Variants in TTC28 observed in about 807,000 individuals in gnomAD.
The protein encoded by TTC28 is tetratricopeptide repeat domain 28, also known as tetratricopeptide repeat protein 28.
TTC28 carries 61 observed loss-of-function variants against 198.0 expected under a neutral mutation model. That is an observed-to-expected ratio of 0.31 (90% CI 0.25 to 0.38). TTC28 has a LOEUF of 0.38. TTC28 is among the 10% of genes least tolerant of loss of function. The probability of loss-of-function intolerance (pLI) is 1.00; values close to 1 mark genes in which losing one functional copy is unlikely to be tolerated. For missense variants in TTC28, 2,678 were observed against 3,164.0 expected, an observed-to-expected ratio of 0.85 and a Z score of 3.69; for synonymous variants, 1,171 against 1,297.8, an observed-to-expected ratio of 0.90 and a Z score of 2.10.
At chr22:28,280,097 T>C (rs1443431860) in intron 5 of TTC28, among the ~76,000 whole-genome samples, 1 of 152,080 alleles carries the variant, frequency 6.6e-6, no homozygotes, top group Non-Finnish European at 1.5e-5. Flanking sequence ...TTCTCTGGAG[T>C]AAATATCTAG....
At chr22:28,572,979 T>C (rs1045799157) in intron 2 of TTC28, among the ~76,000 whole-genome samples, 1 of 151,904 alleles carries the variant, frequency 6.6e-6, no homozygotes, top group Non-Finnish European at 1.5e-5. Context: ...GGAGACCCTA[T>C]GTCTACAAAA....
chr22:28,106,502 A>G (rs1021605784), intron 7 of TTC28, among the ~76,000 whole-genome samples: 8 of 152,226 alleles, frequency 5.3e-5, no homozygotes, highest in Admixed American at 5.2e-4. Context: ...TAATAGATAT[A>G]GAGTAATACA....
chr22:28,134,300 G>A (rs770703383), intron 6 of TTC28, among the ~76,000 whole-genome samples: 6 of 152,170 alleles, frequency 3.9e-5, no homozygotes, highest in South Asian at 4.1e-4. Flanking sequence ...AAATCAGAGC[G>A]CCACTCCCCC....
At chr22:28,249,509 C>T (rs1186986301) in intron 5 of TTC28, among the ~76,000 whole-genome samples, 1 of 151,988 alleles carries the variant, frequency 6.6e-6, no homozygotes, top group Non-Finnish European at 1.5e-5. Flanking sequence ...TCTCCTTTGC[C>T]AGAGATAATT....
intron 3 of TTC28, among the ~76,000 whole-genome samples, chr22:28,298,896 G>A (rs997195553): frequency 1.3e-5 from 2 of 152,064 alleles, no homozygotes; most frequent in African/African-American, 2.4e-5. Flanking sequence ...AGTAGCCCCC[G>A]ACTAGAAGAA....
chr22:28,493,589 A>C (rs1036100772), intron 2 of TTC28, among the ~76,000 whole-genome samples: 1 of 152,134 alleles, frequency 6.6e-6, no homozygotes, highest in African/African-American at 2.4e-5. Flanking sequence ...CATTTTGTAA[A>C]CCCAAATTAA....
At chr22:28,609,564 G>A (rs2040585981) in intron 2 of TTC28, among the ~76,000 whole-genome samples, 1 of 152,216 alleles carries the variant, frequency 6.6e-6, no homozygotes, top group Admixed American at 6.5e-5. Context: ...CTTTCCTCAT[G>A]GTCTTTGCAA....
At chr22:28,554,372 A>T (rs1456970703) in intron 2 of TTC28, among the ~76,000 whole-genome samples, 1 of 118,262 alleles carries the variant, frequency 8.5e-6, no homozygotes, top group Non-Finnish European at 1.8e-5. Flanking sequence ...ATGATCAATT[A>T]AAAAAAAAAA....
intron 16 of TTC28, among the ~76,000 whole-genome samples, chr22:27,996,910 G>T (rs912496034): frequency 6.6e-6 from 1 of 152,236 alleles, no homozygotes; most frequent in Non-Finnish European, 1.5e-5. Flanking sequence ...GTTTCATCCA[G>T]AACAAAGTTG....
At chr22:28,268,270 A>AGAATATTG (rs1385689253) in intron 5 of TTC28, among the ~76,000 whole-genome samples, 1 of 152,230 alleles carries the variant, frequency 6.6e-6, no homozygotes, top group Admixed American at 6.5e-5. Context: ...TCTAGAAAGA[A>AGAATATTG]GAATATTGCA....
chr22:28,501,564 A>T (rs2048538603), intron 2 of TTC28, among the ~76,000 whole-genome samples: 1 of 152,194 alleles, frequency 6.6e-6, no homozygotes, highest in African/African-American at 2.4e-5. Flanking sequence ...TGTTCCCAAC[A>T]CATAGAACTG....
At chr22:28,320,163 T>C (rs1404569550) in intron 2 of TTC28, among the ~76,000 whole-genome samples, 1 of 152,114 alleles carries the variant, frequency 6.6e-6, no homozygotes, top group Non-Finnish European at 1.5e-5. Flanking sequence ...AAAGCACACA[T>C]TTGCTGTGTT....
At chr22:28,316,211 C>G (rs568951793) in intron 2 of TTC28, among the ~76,000 whole-genome samples, 1 of 152,082 alleles carries the variant, frequency 6.6e-6, no homozygotes, top group Admixed American at 6.6e-5. Flanking sequence ...TAGGCAAGCC[C>G]GACTGTGCAA....
intron 14 of TTC28, among the ~76,000 whole-genome samples, chr22:28,010,805 A>G (rs1027815887): frequency 6.6e-6 from 1 of 152,188 alleles, no homozygotes; most frequent in Non-Finnish European, 1.5e-5. Context: ...GGCCATGAAA[A>G]GCCTATTGGC....
In TTC28 at chr22:27,981,229, A is replaced by ATTTTTTT. The variant is rs1937001603; in HGVS notation, c.*991_*992insAAAAAAA. On this transcript the variant is annotated 3_prime_UTR_variant, in exon 23 of 23. Coordinates refer to ENST00000397906, the MANE Select transcript of TTC28 (RefSeq NM_001145418.2). ...CTGGTTAAATCTAGTTAGCCATGGA[A>ATTTTTTT]ATTTTTTTTTTTTTTTTTTTTTTTT... 33 of 72,732 alleles carry ATTTTTTT rather than the reference A, an allele frequency of 4.5e-4. 3 individuals carry two copies. The highest frequency in any genetic ancestry group is 1.1e-3 in the East Asian group (3 of 2,736). The allele number at this position is 72,732 out of a possible 1,614,324, so 4.5% of individuals were successfully genotyped here.
chr22:28,556,660 C>G (rs1384926566), intron 2 of TTC28, among the ~76,000 whole-genome samples: 1 of 152,198 alleles, frequency 6.6e-6, no homozygotes, highest in Non-Finnish European at 1.5e-5. Flanking sequence ...ACCTATTATT[C>G]CACAGTTTCT....
At chr22:28,155,433 C>T (rs528258411) in intron 6 of TTC28, among the ~76,000 whole-genome samples, 1 of 152,242 alleles carries the variant, frequency 6.6e-6, no homozygotes, top group East Asian at 1.9e-4. Context: ...AACTTCAATT[C>T]AGCAGAGGTA....
At chr22:28,098,357 C>G (rs1284192813) in intron 10 of TTC28, among the ~76,000 whole-genome samples, 2 of 152,136 alleles carry the variant, frequency 1.3e-5, no homozygotes, top group Admixed American at 6.5e-5. Flanking sequence ...GGGAGGGAAC[C>G]TGGTTCAAGC....
intron 12 of TTC28, among the ~76,000 whole-genome samples, chr22:28,089,202 GAC>G (rs2146840609): frequency 6.6e-6 from 1 of 152,234 alleles, no homozygotes; most frequent in African/African-American, 2.4e-5. Context: ...CTGCTATAAA[GAC>G]ACATGCACAC....
Sources: allele counts gnomAD v4.1 joint callset (sites outside exome capture counted in the v4.1 genomes callset), GRCh38; gene constraint gnomAD v4.1.1; transcripts MANE v1.5; gene names NCBI Gene and HGNC (gene_info 2026-07-23, HGNC 2026-07-21).